EIF5B: variants seen among roughly 807,000 people sequenced by gnomAD.
The protein encoded by EIF5B is eukaryotic translation initiation factor 5B, also known as eIF-5B.
EIF5B carries 47 observed loss-of-function variants against 147.5 expected under a neutral mutation model. The observed-to-expected ratio is 0.32, with a 90% CI of 0.25 to 0.41. The LOEUF is 0.41. EIF5B is among the 10% of genes least tolerant of loss of function. The pLI is 1.00. For synonymous variants in EIF5B, 455 were observed against 456.2 expected, an observed-to-expected ratio of 1.00 and a Z score of 0.03; for missense variants, 1,064 against 1,413.2, an observed-to-expected ratio of 0.75 and a Z score of 3.96.
rs773340492 is a variant in EIF5B, at chr2:99,394,441, C to T, written c.3012+43C>T. 9.1e-5 allele frequency: 146 copies of T among 1,613,064 alleles called. 1 individual carries two copies. Among genetic ancestry groups the T allele is most frequent in the East Asian group, 6.2e-4 (28 of 44,890 alleles). ...GCTCCACAAGTGAATGGTGGTTGGT[C>T]GTGGTTTTTGGTGCCATCGCCATTA... On this transcript the variant is annotated intron_variant, in intron 19 of 23. Transcript: ENST00000289371.
At chr2:99,363,515 T>C in intron 4 of EIF5B, 130 bp from the exon 5 acceptor site, 1 of 894,894 alleles carries the variant, frequency 1.1e-6, no homozygotes, top group South Asian at 1.7e-5. Flanking sequence ...TTGATGCCTG[T>C]AGAACTTAGC....
At chr2:99,365,200 G>A (rs1278280937) in intron 6 of EIF5B, among the ~76,000 whole-genome samples, 3 of 152,044 alleles carry the variant, frequency 2.0e-5, no homozygotes, top group Non-Finnish European at 4.4e-5. Flanking sequence ...CATTTATTGT[G>A]TGCTTAGTGT....
At position 99,338,342 on chromosome 2, in the gene EIF5B, G is replaced by A. The variant is rs1405339282; in HGVS notation, c.35+753G>A. The A allele has an allele frequency of 2.3e-6, 3 of 1,288,854 alleles. No individual in the cohort carries two copies. In the African/African-American group the frequency reaches 4.6e-5, roughly 20 times the overall value. The allele number at this position is 1,288,854 out of a possible 1,614,324, so 79.8% of individuals were successfully genotyped here. A position where few individuals can be genotyped will look rare whatever the true frequency, so the allele number is the denominator to read the frequency against. On this transcript the variant is annotated intron_variant, in intron 1 of 23. Coordinates refer to ENST00000289371, the MANE Select transcript of EIF5B (RefSeq NM_015904.4). ...CTAGAGATTTTTGAGACATTTCTGT[G>A]TGTCACATTCGATTGAGTTCTGTTA...
chr2:99,378,072 A>G (rs1272859085), intron 10 of EIF5B, among the ~76,000 whole-genome samples: 6 of 152,186 alleles, frequency 3.9e-5, no homozygotes, highest in Non-Finnish European at 8.8e-5. Context: ...GTTGTCGGGT[A>G]CTACTCTTTG....
rs1339991822 is a variant in EIF5B at position 99,390,344 on chromosome 2, G to T, written c.2529G>T (p.Gln843His). The T allele has an allele frequency of 1.9e-6, 3 of 1,613,854 alleles. No homozygotes were observed. Among genetic ancestry groups the T allele is most frequent in the Non-Finnish European group, 2.5e-6 (3 of 1,180,022 alleles). ...SLIYLLVELT[Q>H]TMLSKRLAHC... is the part of the protein sequence containing the mutation. Reference sequence around the variant, plus strand: ...TCTACCTTCTTGTAGAGTTAACTCAGACCATGTTGAGCAAGAGACTTGCAC... The same window carrying T: ...TCTACCTTCTTGTAGAGTTAACTCATACCATGTTGAGCAAGAGACTTGCAC... Residue 843 changes from glutamine to histidine, a missense_variant, in exon 16 of 24, where the codon CAG (glutamine) becomes CAT (histidine). Coordinates refer to ENST00000289371, the MANE Select transcript of EIF5B (RefSeq NM_015904.4).
chr2:99,342,585 CT>C (rs1029696438), intron 1 of EIF5B, among the ~76,000 whole-genome samples: 9 of 150,606 alleles, frequency 6.0e-5, no homozygotes, highest in African/African-American at 9.8e-5. Flanking sequence ...CCTCCCCCTC[CT>C]TTTTTTTTGG....
intron 14 of EIF5B, 120 bp from the exon 15 acceptor site, chr2:99,389,598 G>GTA (rs2104244571): frequency 3.9e-6 from 3 of 759,584 alleles, no homozygotes; most frequent in Admixed American, 3.9e-5. Flanking sequence ...TAAAGTGTAT[G>GTA]AGTAAGTCAC....
intron 8 of EIF5B, 95 bp downstream of exon 8, chr2:99,369,576 G>A (rs1433159601): frequency 1.1e-5 from 11 of 975,052 alleles, no homozygotes; most frequent in Non-Finnish European, 1.2e-5. Flanking sequence ...TAATTGGGGA[G>A]AACCAAATAA....
chr2:99,396,098 G>A (rs1675040260), intron 21 of EIF5B, among the ~76,000 whole-genome samples: 1 of 152,184 alleles, frequency 6.6e-6, no homozygotes, highest in South Asian at 2.1e-4. Context: ...GATGATAGGA[G>A]TGATGGCGTA....
intron 23 of EIF5B, 97 bp downstream of exon 23, chr2:99,399,006 T>C (rs1225122171): frequency 2.2e-6 from 3 of 1,380,784 alleles, no homozygotes; most frequent in Non-Finnish European, 3.0e-6. Flanking sequence ...AGTTTGATTG[T>C]AGAATCTGAT....
chr2:99,363,977 T>A, intron 5 of EIF5B, 115 bp downstream of exon 5: 2 of 1,151,070 alleles, frequency 1.7e-6, no homozygotes, highest in Non-Finnish European at 2.5e-6. Flanking sequence ...GGTAATTCAG[T>A]TATATTATTG....
At chr2:99,367,526 TC>T in intron 6 of EIF5B, among the ~76,000 whole-genome samples, 1 of 151,526 alleles carries the variant, frequency 6.6e-6, no homozygotes, top group Non-Finnish European at 1.5e-5. Flanking sequence ...AACCTCTGCC[TC>T]CCAGGTTCAA....
At chr2:99,343,390 T>C (rs943801232) in intron 1 of EIF5B, among the ~76,000 whole-genome samples, 4 of 152,228 alleles carry the variant, frequency 2.6e-5, no homozygotes, top group Admixed American at 2.6e-4. Flanking sequence ...TTAAAGTTTC[T>C]TTTTCACAAA....
chr2:99,351,693 T>G (rs1673968592), intron 1 of EIF5B, among the ~76,000 whole-genome samples: 1 of 152,038 alleles, frequency 6.6e-6, no homozygotes, highest in African/African-American at 2.4e-5. Context: ...TTGTGTTTTT[T>G]TTTTGTTTGT....
intron 1 of EIF5B, among the ~76,000 whole-genome samples, chr2:99,341,225 G>A: frequency 6.6e-6 from 1 of 152,116 alleles, no homozygotes; most frequent in East Asian, 1.9e-4. Context: ...TTTAATAAAG[G>A]AATTCATTTC....
chr2:99,346,809 A>T (rs1448268870), intron 1 of EIF5B, among the ~76,000 whole-genome samples: 1 of 151,168 alleles, frequency 6.6e-6, no homozygotes, highest in Non-Finnish European at 1.5e-5. Context: ...TGACCTTGTG[A>T]TCCACCCGCC....
chr2:99,367,869 A>G (rs1272433266), intron 6 of EIF5B, among the ~76,000 whole-genome samples: 2 of 152,200 alleles, frequency 1.3e-5, no homozygotes, highest in Non-Finnish European at 2.9e-5. Context: ...CATCATTCAC[A>G]CTACAAAATA....
chr2:99,369,820 C>G (rs574893254), intron 8 of EIF5B, among the ~76,000 whole-genome samples: 1 of 151,838 alleles, frequency 6.6e-6, no homozygotes, highest in African/African-American at 2.4e-5. Flanking sequence ...ACTAAAAATA[C>G]AAAAAATTAG....
chr2:99,355,615 T>G (rs1312177579), intron 1 of EIF5B, among the ~76,000 whole-genome samples: 1 of 142,512 alleles, frequency 7.0e-6, no homozygotes, highest in East Asian at 2.0e-4. Flanking sequence ...TTTGGGTTTT[T>G]TTTTTTTTTT....
Sources: allele counts gnomAD v4.1 joint callset (sites outside exome capture counted in the v4.1 genomes callset), GRCh38; gene constraint gnomAD v4.1.1; transcripts MANE v1.5; gene names NCBI Gene and HGNC (gene_info 2026-07-23, HGNC 2026-07-21).